The following LBP variants were observed in gnomAD, a reference collection of about 807,000 sequenced individuals.
LBP encodes the protein lipopolysaccharide binding protein.
Under a neutral mutation model 56.6 loss-of-function variants are expected in LBP, and 53 were observed. The ratio of observed to expected loss-of-function variants is 0.94; its 90% CI spans 0.75 to 1.18. The LOEUF is 1.18. LBP is among the 50% of genes most tolerant of loss of function. The pLI is 0.00. For missense variants in LBP, 601 were observed against 598.3 expected (o/e 1.00, Z -0.05); for synonymous variants, 227 against 247.5 (o/e 0.92, Z 0.78).
At chr20:38,374,375 G>T (rs1375627713) in intron 14 of LBP, among the ~76,000 whole-genome samples, 5 of 152,166 alleles carry the variant, frequency 3.3e-5, no homozygotes, top group Non-Finnish European at 5.9e-5. Flanking sequence ...GGGGCGGGCA[G>T]ATCACGAGGT....
Position 38,360,725 on chromosome 20 carries a change from T to C in LBP, c.610T>C (p.Ser204Pro). The C allele has an allele frequency of 6.2e-7, 1 of 1,613,154 alleles. No homozygotes were observed. Among genetic ancestry groups the C allele is most frequent in the Non-Finnish European group, 8.5e-7 (1 of 1,179,184 alleles). Residue 204 changes from serine (S) to proline (P), a missense_variant, in exon 6 of 15, where the codon TCA becomes CCA. Coordinates refer to ENST00000217407, the MANE Select transcript of LBP (RefSeq NM_004139.5). ...ESRICEMIQK[S>P]VSSDLQPYLQ... is the part of the protein sequence containing the mutation. ...TCAGATTTGCGAAATGATCCAGAAA[T>C]CAGTGTCCTCCGATCTACAGCCTTA...
chr20:38,368,009 T>C (rs1266350823), intron 9 of LBP, among the ~76,000 whole-genome samples: 1 of 151,604 alleles, frequency 6.6e-6, no homozygotes, highest in Non-Finnish European at 1.5e-5. Context: ...CTGGACAACA[T>C]AGCAAAACCC....
chr20:38,365,833 G>A (rs530252511), intron 8 of LBP, among the ~76,000 whole-genome samples: 1 of 150,058 alleles, frequency 6.7e-6, no homozygotes, highest in Admixed American at 6.7e-5. Context: ...TGAAAATAAA[G>A]CACAATTATA....
At position 38,360,705 on chromosome 20, in the gene LBP, T is replaced by C. The variant is rs1202820152; in HGVS notation, c.590T>C (p.Ile197Thr). 6.2e-7 allele frequency: 1 copy of C among 1,611,762 alleles called. No homozygotes were observed. Among genetic ancestry groups the C allele is most frequent in the Non-Finnish European group, 8.5e-7 (1 of 1,177,956 alleles). ...TCATTCTCTTCCCATGTTTTTCAGA[T>C]TTGCGAAATGATCCAGAAATCAGTG... is the stretch of plus-strand genomic sequence containing the variant. ...SKFQKVLESRICEMIQKSVSS... is the reference protein window; with the variant it reads ...SKFQKVLESRTCEMIQKSVSS... Residue 197 changes from isoleucine to threonine, a missense_variant and splice_region_variant, in exon 6 of 15, where the codon ATT becomes ACT. Ile to Thr is a moderately conservative substitution (Grantham distance 89). Coordinates refer to ENST00000217407, the MANE Select transcript of LBP (RefSeq NM_004139.5).
rs545550026 is a variant in LBP, at chr20:38,363,998, G to T, written c.676G>T (p.Ala226Ser). Residue 226 changes from alanine to serine, a missense_variant, in exon 7 of 15, where the codon GCC (alanine) becomes TCC (serine). Coordinates refer to ENST00000217407, the MANE Select transcript of LBP (RefSeq NM_004139.5). Reference sequence around the variant, plus strand: ...AGTTACAACAGAGATTGACAGTTTCGCCGACATTGATTATAGCTTAGTGGA... The same window carrying T: ...AGTTACAACAGAGATTGACAGTTTCTCCGACATTGATTATAGCTTAGTGGA... Reference protein sequence around the residue: ...LPVTTEIDSFADIDYSLVEAP... With the variant: ...LPVTTEIDSFSDIDYSLVEAP... The T allele has an allele frequency of 6.2e-7, 1 of 1,613,718 alleles. No individual in the cohort carries two copies. The highest frequency in any genetic ancestry group is 1.3e-5 in the African/African-American group (1 of 75,022).
intron 9 of LBP, 92 bp from the exon 10 acceptor site, chr20:38,368,903 G>A (rs906937681): frequency 8.1e-5 from 107 of 1,323,944 alleles, no homozygotes; most frequent in Non-Finnish European, 1.1e-4. Context: ...TCAATCGAAA[G>A]CAACTTCCAG....
rs534605375 is a variant in LBP, at chr20:38,370,865, C to G, written c.1217+60C>G. 7 of 1,356,852 alleles carry G rather than the reference C, an allele frequency of 5.2e-6. No individual in the cohort carries two copies. In the East Asian group the frequency reaches 1.6e-4, roughly 31 times the overall value. The allele number at this position is 1,356,852 out of a possible 1,614,324, so 84.1% of individuals were successfully genotyped here. A position where few individuals can be genotyped will look rare whatever the true frequency, so the allele number is the denominator to read the frequency against. On this transcript the variant is annotated intron_variant, in intron 11 of 14. Transcript: ENST00000217407. ...GCTGGACTCCATCTGTATGCTGTAG[C>G]TGCTTCTCTGTAGCTGGTGGGAGGG...
In LBP at chr20:38,349,684, C is replaced by T. The variant is rs370012899; in HGVS notation, c.239+22C>T. The T allele has an allele frequency of 1.8e-5, 27 of 1,526,250 alleles. No individual in the cohort carries two copies. In the African/African-American group the frequency reaches 2.3e-4, roughly 13 times the overall value. 94.5% of individuals were successfully genotyped at this position (1,526,250 alleles called of 1,614,324 possible). On this transcript the variant is annotated intron_variant, in intron 2 of 14. Coordinates refer to ENST00000217407, the MANE Select transcript of LBP (RefSeq NM_004139.5). Reference sequence around the variant, plus strand: ...ACAGGTGGGGCTCTCCCTTCTGCTGCGGCTCTGAAGTGGCTGGAGCTGGCT... The same window carrying T: ...ACAGGTGGGGCTCTCCCTTCTGCTGTGGCTCTGAAGTGGCTGGAGCTGGCT...
chr20:38,355,962 T>C (rs2076837426), intron 5 of LBP, among the ~76,000 whole-genome samples: 1 of 151,602 alleles, frequency 6.6e-6, no homozygotes, highest in Admixed American at 6.6e-5. Context: ...TAAACACTCA[T>C]TCATCCCAAA....
At chr20:38,367,032 A>G (rs1334781906) in intron 9 of LBP, among the ~76,000 whole-genome samples, 4 of 152,180 alleles carry the variant, frequency 2.6e-5, no homozygotes, top group Non-Finnish European at 4.4e-5. Context: ...AGCTTGTCCA[A>G]TCTTTTATTG....
At chr20:38,354,739 A>G (rs1011111125) in intron 4 of LBP, among the ~76,000 whole-genome samples, 2 of 152,146 alleles carry the variant, frequency 1.3e-5, no homozygotes, top group African/African-American at 4.8e-5. Context: ...CGAAAAACAT[A>G]CAAGTCCTTG....
At chr20:38,372,057 A>G (rs1415457991) in intron 12 of LBP, among the ~76,000 whole-genome samples, 1 of 152,250 alleles carries the variant, frequency 6.6e-6, no homozygotes, top group African/African-American at 2.4e-5. Context: ...CTGAGCAGGT[A>G]AATCCAAGAA....
At chr20:38,350,649 G>A (rs1001450240) in intron 2 of LBP, among the ~76,000 whole-genome samples, 162 bp from the exon 3 acceptor site, 2 of 152,248 alleles carry the variant, frequency 1.3e-5, no homozygotes, top group African/African-American at 4.8e-5. Context: ...AAAGTAACGT[G>A]CTTAGCATGG....
chr20:38,371,303 C>A lies in LBP; in HGVS notation c.1241C>A (p.Ser414Tyr), dbSNP rs2076900033. ...PGKVKVELKE[S>Y]KVGLFNAELL... The stretch of plus-strand genomic sequence containing the variant: ...AGGGTAAAAGTGGAACTGAAAGAAT[C>A]CAAAGTTGGACTATTCAATGTAAGT... Residue 414 changes from serine (S) to tyrosine (Y), a missense_variant, in exon 12 of 15, where the codon TCC becomes TAC. Ser to Tyr is a moderately radical substitution (Grantham distance 144). Coordinates refer to ENST00000217407, the MANE Select transcript of LBP (RefSeq NM_004139.5). 1 of 1,609,630 alleles carries A rather than the reference C, an allele frequency of 6.2e-7. No homozygotes were observed.
chr20:38,346,515 G>C lies in LBP; in HGVS notation c.-2G>C. The C allele has an allele frequency of 6.2e-7, 1 of 1,613,458 alleles. No homozygotes were observed. The highest frequency in any genetic ancestry group is 8.5e-7 in the Non-Finnish European group (1 of 1,179,888). ...CCTGGCCCACTGCACTGGGAATCTA[G>C]GATGGGGGCCTTGGCCAGAGCCCTG... On this transcript the variant is annotated 5_prime_UTR_variant, in exon 1 of 15. Transcript: ENST00000217407.
chr20:38,367,783 G>C (rs1409976611), intron 9 of LBP, among the ~76,000 whole-genome samples: 1 of 152,104 alleles, frequency 6.6e-6, no homozygotes, highest in Non-Finnish European at 1.5e-5. Context: ...ATAACCAAAA[G>C]GTTCATGGGA....
intron 8 of LBP, 28 bp downstream of exon 8, chr20:38,364,780 A>G: frequency 6.3e-7 from 1 of 1,578,756 alleles, no homozygotes; most frequent in Non-Finnish European, 8.6e-7. Flanking sequence ...CAGGTCTCTC[A>G]AATGAACACA....
chr20:38,360,679 G>C (rs769905222), intron 5 of LBP, 25 bp from the exon 6 acceptor site: 16 of 1,578,100 alleles, frequency 1.0e-5, no homozygotes, highest in Non-Finnish European at 1.4e-5. Context: ...AACTCACTCA[G>C]TCATTCTCTT....
intron 3 of LBP, among the ~76,000 whole-genome samples, chr20:38,351,693 G>T (rs1018470): frequency 0.35 from 53,558 of 151,832 alleles, 10,844 homozygotes; most frequent in Non-Finnish European, 0.45. Context: ...CTTTGGCAAT[G>T]TCCTCACGTG....
Sources: gnomAD v4.1 joint callset for allele counts (sites outside exome capture counted in the v4.1 genomes callset) on GRCh38, gnomAD v4.1.1 for gene constraint, MANE v1.5 for transcripts, NCBI Gene and HGNC (gene_info 2026-07-23, HGNC 2026-07-21) for gene names.